Variants in PRPF40B observed in about 807,000 individuals in gnomAD.
PRPF40B encodes pre-mRNA-processing factor 40 homolog B.
Under a neutral mutation model 124.5 loss-of-function variants are expected in PRPF40B, and 56 were observed. The observed-to-expected ratio is 0.45, with a 90% CI of 0.36 to 0.56. The LOEUF (loss-of-function observed/expected upper bound fraction) is 0.56, where lower values mean the gene tolerates loss of function less well. Among genes scored for constraint, PRPF40B ranks in the 20% least tolerant of loss-of-function variants. The pLI is 0.00. For missense variants in PRPF40B, 1,053 were observed against 1,169.5 expected (o/e 0.90, Z 1.45); for synonymous variants, 443 against 426.4 (o/e 1.04, Z -0.48).
rs549495045 is a variant in PRPF40B at position 49,634,605 on chromosome 12, A to G, written c.1001+3A>G. ...GTGGTCACCGACCCCCGTTACAGGT[A>G]GGCCTGGGCAGAGGGAGCCAGGCCC... is the stretch of plus-strand genomic sequence containing the variant. On this transcript the variant is annotated splice_donor_region_variant and intron_variant, in intron 12 of 25. Transcript: ENST00000548825. 3.7e-6 allele frequency: 6 copies of G among 1,614,126 alleles called. No individual in the cohort carries two copies. The South Asian group carries it at 6.6e-5, about 18-fold the overall frequency.
At chr12:49,633,173 C>T in intron 7 of PRPF40B, 49 bp downstream of exon 7, 1 of 1,492,022 alleles carries the variant, frequency 6.7e-7, no homozygotes, top group Non-Finnish European at 9.2e-7. Flanking sequence ...CCTGACCCTT[C>T]CAAGTCCTTG....
In PRPF40B at chr12:49,634,036, G is replaced by A. The variant is rs1295286274; in HGVS notation, c.756G>A (p.Glu252=). 4 of 1,613,762 alleles carry A rather than the reference G, an allele frequency of 2.5e-6. No individual in the cohort carries two copies. The African/African-American group carries it at 5.3e-5, about 22-fold the overall frequency. ...PGGSEDCDVL[E]ATQPLEQGFL... The stretch of plus-strand genomic sequence containing the variant: ...GGAGTGAAGATTGTGATGTGTTGGA[G>A]GCCACCCAGCCCCTGGAACAGGGGT... The change falls in exon 10 of 26, where the codon GAG becomes GAA. Residue 252 remains glutamate, a synonymous_variant. Transcript: ENST00000548825.
chr12:49,632,996 G>GGGGGGCCCCCCCCC lies in PRPF40B; in HGVS notation c.349-18_349-17insGGGGGCCCCCCCCC. The stretch of plus-strand genomic sequence containing the variant: ...AAAGGGGCCTTGACCACCATTCTGT[G>GGGGGGCCCCCCCCC]CCCCCCCCCCCACCCAGAGGGCCCT... On this transcript the variant is annotated splice_polypyrimidine_tract_variant and intron_variant, in intron 6 of 25. Transcript: ENST00000548825. The GGGGGGCCCCCCCCC allele has an allele frequency of 3.5e-6, 4 of 1,147,386 alleles. No individual in the cohort carries two copies. The highest frequency in any genetic ancestry group is 4.9e-6 in the Non-Finnish European group (4 of 823,002). The allele number at this position is 1,147,386 out of a possible 1,614,324, so 71.1% of individuals were successfully genotyped here.
intron 18 of PRPF40B, 109 bp downstream of exon 18, chr12:49,637,933 G>A (rs1472675355): frequency 1.2e-6 from 1 of 846,864 alleles, no homozygotes; most frequent in African/African-American, 1.7e-5. Context: ...GCTTGGTTCA[G>A]CAGATATCTA....
chr12:49,633,458 A>G lies in PRPF40B; in HGVS notation c.491A>G (p.Tyr164Cys). Reference protein sequence around the residue: ...LLLSQCPWKEYKSDTGKPYYY... With the variant: ...LLLSQCPWKECKSDTGKPYYY... ...CTGTCCCAATGTCCCTGGAAAGAGT[A>G]CAAGTCGGACACAGGCAAACCTTAT... The change falls in exon 8 of 26, where the codon TAC becomes TGC. Residue 164 changes from tyrosine to cysteine, a missense_variant. Tyr to Cys is a radical substitution (Grantham distance 194). Transcript: ENST00000548825. The G allele has an allele frequency of 1.2e-6, 2 of 1,614,172 alleles. No homozygotes were observed. The highest frequency in any genetic ancestry group is 1.7e-6 in the Non-Finnish European group (2 of 1,180,016).
chr12:49,629,058 G>A (rs1940989933), intron 1 of PRPF40B, among the ~76,000 whole-genome samples: 3 of 152,214 alleles, frequency 2.0e-5, no homozygotes, highest in Admixed American at 2.0e-4. Flanking sequence ...GCATCTCCAA[G>A]CCTCGGTTCA....
rs763769179 is a variant in PRPF40B, at chr12:49,642,694, C to G, written c.2118+19C>G. The G allele has an allele frequency of 6.2e-7, 1 of 1,610,036 alleles. No individual in the cohort carries two copies. On this transcript the variant is annotated intron_variant, in intron 21 of 25. Coordinates refer to ENST00000548825, the MANE Select transcript of PRPF40B (RefSeq NM_001031698.3). The surrounding 1 kb of genome is among the most constrained non-coding windows in gnomAD (Gnocchi z 5.8). Reference sequence around the variant, plus strand: ...GCTGGAGGTGAGGCAGGCTTGTCCTCTGGATCTGCCTCAGGCCCTTGAACT... The same window carrying G: ...GCTGGAGGTGAGGCAGGCTTGTCCTGTGGATCTGCCTCAGGCCCTTGAACT...
chr12:49,633,768 T>A, intron 9 of PRPF40B, 107 bp downstream of exon 9: 1 of 1,605,888 alleles, frequency 6.2e-7, no homozygotes, highest in Non-Finnish European at 8.5e-7. Flanking sequence ...CAGCTCTGTC[T>A]CCTTGTGGAG....
intron 1 of PRPF40B, among the ~76,000 whole-genome samples, chr12:49,625,534 TC>T (rs1193064256): frequency 6.6e-6 from 1 of 152,210 alleles, no homozygotes; most frequent in Non-Finnish European, 1.5e-5. Context: ...TCCATTCTTG[TC>T]CTTTTCTCCT....
chr12:49,643,847 C>T lies in PRPF40B; in HGVS notation c.2443-14C>T. 1 of 1,614,152 alleles carries T rather than the reference C, an allele frequency of 6.2e-7. No homozygotes were observed. The highest frequency in any genetic ancestry group is 1.3e-5 in the African/African-American group (1 of 75,040). On this transcript the variant is annotated splice_polypyrimidine_tract_variant and intron_variant, in intron 24 of 25. Transcript: ENST00000548825. ...TCCACAGGAACTGAGGAGGTGGGCT[C>T]TGGACTCTTACAGAATAGTCCTGAG...
rs571529546 is a variant in PRPF40B, at chr12:49,624,735, C to T, written c.3+1142C>T. Among the ~76,000 whole-genome samples, 6 of 152,092 alleles carry T rather than the reference C, an allele frequency of 3.9e-5. No homozygotes were observed. The East Asian group carries it at 1.2e-3, about 29-fold the overall frequency. On this transcript the variant is annotated intron_variant, in intron 1 of 25. Transcript: ENST00000548825. ...TGGCCCATGCCTGTAATCCCAGCTA[C>T]TCTGGAGGCTGAGGCAGAAGAATCA...
At chr12:49,632,358 G>T in intron 4 of PRPF40B, 1 of 577,752 alleles carries the variant, frequency 1.7e-6, no homozygotes, top group Non-Finnish European at 3.1e-6. Flanking sequence ...AGCCTCGGGA[G>T]TTGTCTCAAC....
rs780158405 is a variant in PRPF40B at position 49,633,030 on chromosome 12, A to G, written c.365A>G (p.Glu122Gly). Residue 122 changes from glutamate to glycine, a missense_variant, in exon 7 of 26, where the codon GAG becomes GGG. This residue lies in a region of PRPF40B where 895 missense variants were observed against 1,052.2 expected (regional missense o/e 0.85). Transcript: ENST00000548825. ...GTGPPRALWS[E>G]HVAPDGRIYY... ...CCCACCCAGAGGGCCCTATGGAGTG[A>G]GCATGTGGCCCCAGATGGGCGCATC... 3 of 998,164 alleles carry G rather than the reference A, an allele frequency of 3.0e-6. No individual in the cohort carries two copies. Among genetic ancestry groups the G allele is most frequent in the Non-Finnish European group, 4.2e-6 (3 of 708,898 alleles). The allele number at this position is 998,164 out of a possible 1,614,324, so 61.8% of individuals were successfully genotyped here.
Position 49,644,626 on chromosome 12 carries a change from T to C in PRPF40B, c.*434T>C, listed in dbSNP as rs1262128373. ...CCACCCAGGACCTAATGTACGTGTG[T>C]TTTGTTTTTTGTTTTTTAAATAACA... On this transcript the variant is annotated 3_prime_UTR_variant, in exon 26 of 26. Coordinates refer to ENST00000548825, the MANE Select transcript of PRPF40B (RefSeq NM_001031698.3). The C allele has an allele frequency of 1.1e-5, 2 of 188,390 alleles. No individual in the cohort carries two copies. The highest frequency in any genetic ancestry group is 4.7e-5 in the African/African-American group (2 of 42,688). 11.7% of individuals were successfully genotyped at this position (188,390 alleles called of 1,614,324 possible). A position where few individuals can be genotyped will look rare whatever the true frequency, so the allele number is the denominator to read the frequency against.
chr12:49,623,586 C>G lies in PRPF40B; in HGVS notation c.-5C>G, dbSNP rs1940392548. The G allele has an allele frequency of 3.2e-6, 4 of 1,235,502 alleles. No homozygotes were observed. Among genetic ancestry groups the G allele is most frequent in the Non-Finnish European group, 3.0e-6 (3 of 989,992 alleles). 76.5% of individuals were successfully genotyped at this position (1,235,502 alleles called of 1,614,324 possible). A position where few individuals can be genotyped will look rare whatever the true frequency, so the allele number is the denominator to read the frequency against. On this transcript the variant is annotated 5_prime_UTR_variant, in exon 1 of 26. Coordinates refer to ENST00000548825, the MANE Select transcript of PRPF40B (RefSeq NM_001031698.3). ...GAGCCGGCCCAGCTGCTCGGAGGCT[C>G]TGGCATGGTAACATCCCCGCGCGGG...
chr12:49,638,853 G>T (rs1365841303), intron 18 of PRPF40B: 1 of 152,196 alleles, frequency 6.6e-6, no homozygotes, highest in East Asian at 1.9e-4. Context: ...ATGGTACCTG[G>T]GTTGAAAGGG....
rs1941868864 is a variant in PRPF40B at position 49,636,777 on chromosome 12, AGAG to A, written c.1497_1499del (p.Glu500del). ...AGCACATCCGAGCTTTGGAGAGGGA[AGAG>A]GAGGAGGAACGGGAGCGGGCCCGGC... On this transcript the variant is annotated inframe_deletion, in exon 16 of 26. Transcript: ENST00000548825. 6.2e-7 allele frequency: 1 copy of A among 1,614,104 alleles called. No homozygotes were observed. Among genetic ancestry groups the A allele is most frequent in the African/African-American group, 1.3e-5 (1 of 74,932 alleles).
chr12:49,623,271 C>G (rs1940360109), upstream of PRPF40B: 1 of 163,678 alleles, frequency 6.1e-6, no homozygotes, highest in African/African-American at 2.4e-5. Flanking sequence ...AGCCAGGACG[C>G]AGGCAGCGGG....
rs199502695 is a variant in PRPF40B, at chr12:49,632,858, C to T, written c.326C>T (p.Ala109Val). 8.6e-5 allele frequency: 139 copies of T among 1,613,880 alleles called. No homozygotes were observed. The Admixed American group carries it at 1.6e-3, about 18-fold the overall frequency. ...GTATCCTTTGGCTTTTTTCTAGCTG[C>T]TGTGGCTGGGACAGGCCCTCCGGTG... ...TAPGADTASS[A>V]VAGTGPPRAL... is the part of the protein sequence containing the mutation. Residue 109 changes from alanine to valine, a missense_variant, in exon 6 of 26, where the codon GCT becomes GTT. Physicochemically the swap from Ala to Val is moderately conservative, Grantham distance 64. This residue lies in a region of PRPF40B where 895 missense variants were observed against 1,052.2 expected (regional missense o/e 0.85). Transcript: ENST00000548825.
Sources: allele counts gnomAD v4.1 joint callset (sites outside exome capture counted in the v4.1 genomes callset), GRCh38; gene constraint gnomAD v4.1.1; regional missense constraint gnomAD v4.1.1; non-coding constraint Gnocchi (gnomAD v3.1); transcripts MANE v1.5; gene names NCBI Gene and HGNC (gene_info 2026-07-23, HGNC 2026-07-21).